Variants in GRB14 observed in about 807,000 individuals in gnomAD.
The protein encoded by GRB14 is growth factor receptor-bound protein 14.
GRB14 carries 38 observed loss-of-function variants against 69.1 expected under a neutral mutation model. That is an observed-to-expected ratio of 0.55 (90% CI 0.42 to 0.72). The LOEUF is 0.72. Ranked by LOEUF, GRB14 falls within the 30% of genes least tolerant of loss-of-function variation. GRB14 has a pLI of 0.00. For synonymous variants in GRB14, 247 were observed against 241.3 expected, an observed-to-expected ratio of 1.02 and a Z score of -0.22; for missense variants, 666 against 666.1, an observed-to-expected ratio of 1.00 and a Z score of 0.00.
At chr2:164,614,471 T>C (rs555027049) in intron 2 of GRB14, among the ~76,000 whole-genome samples, 7 of 152,318 alleles carry the variant, frequency 4.6e-5, no homozygotes, top group Middle Eastern at 6.8e-3. Context: ...TTATGAATGG[T>C]TTTAGACGAT....
chr2:164,578,522 G>A (rs909973759), intron 2 of GRB14, among the ~76,000 whole-genome samples: 47 of 145,660 alleles, frequency 3.2e-4, no homozygotes, highest in Admixed American at 9.6e-4. Context: ...CAATTCGCGC[G>A]CACACACACA....
intron 9 of GRB14, among the ~76,000 whole-genome samples, chr2:164,499,073 A>G (rs1033734320): frequency 1.3e-5 from 2 of 152,170 alleles, no homozygotes; most frequent in African/African-American, 4.8e-5. Flanking sequence ...ATTAATGAAA[A>G]GCATCCACCT....
chr2:164,548,115 C>T (rs1311551179), intron 2 of GRB14, among the ~76,000 whole-genome samples: 1 of 152,162 alleles, frequency 6.6e-6, no homozygotes, highest in Non-Finnish European at 1.5e-5. Context: ...GTTCATCCCA[C>T]ACATCTGCTA....
chr2:164,617,072 A>G (rs112696585), intron 2 of GRB14, among the ~76,000 whole-genome samples: 20 of 152,338 alleles, frequency 1.3e-4, no homozygotes, highest in African/African-American at 4.6e-4. Context: ...AACTAAAGCA[A>G]AAGGATCAGT....
At chr2:164,602,664 T>C (rs1185643794) in intron 2 of GRB14, among the ~76,000 whole-genome samples, 1 of 152,200 alleles carries the variant, frequency 6.6e-6, no homozygotes, top group Non-Finnish European at 1.5e-5. Context: ...AAACTTCAGT[T>C]CATTCAGCAA....
chr2:164,587,413 A>G (rs1244717550), intron 2 of GRB14, among the ~76,000 whole-genome samples: 1 of 152,208 alleles, frequency 6.6e-6, no homozygotes, highest in Non-Finnish European at 1.5e-5. Context: ...TGTTCAAGAT[A>G]GTTCCTCTGC....
chr2:164,586,854 T>C (rs1434075650), intron 2 of GRB14, among the ~76,000 whole-genome samples: 3 of 152,126 alleles, frequency 2.0e-5, no homozygotes. Flanking sequence ...AATAATGCAA[T>C]TGATGATCAA....
At chr2:164,618,088 T>G (rs963156781) in intron 2 of GRB14, among the ~76,000 whole-genome samples, 2 of 151,718 alleles carry the variant, frequency 1.3e-5, no homozygotes, top group Non-Finnish European at 1.5e-5. Flanking sequence ...TGCCTCCGCC[T>G]CCCGAGTAGC....
intron 6 of GRB14, among the ~76,000 whole-genome samples, chr2:164,519,769 AAAAAT>A (rs1180075637): frequency 2.6e-5 from 4 of 151,994 alleles, no homozygotes; most frequent in African/African-American, 9.7e-5. Context: ...AAGCTGTAAA[AAAAAT>A]AAAATAAAAT....
At chr2:164,576,649 T>C (rs887469229) in intron 2 of GRB14, among the ~76,000 whole-genome samples, 1 of 151,792 alleles carries the variant, frequency 6.6e-6, no homozygotes. Context: ...AAACACTATA[T>C]ATCATATCTC....
chr2:164,591,925 C>T (rs906398806), intron 2 of GRB14, among the ~76,000 whole-genome samples: 1 of 152,036 alleles, frequency 6.6e-6, no homozygotes, highest in Admixed American at 6.6e-5. Flanking sequence ...CCATACTGTT[C>T]TTGTGGTAGT....
Position 164,539,176 on chromosome 2 carries a change from T to C in GRB14, c.481+8484A>G, listed in dbSNP as rs1688165675. On this transcript the variant is annotated intron_variant, in intron 3 of 13. Transcript: ENST00000263915. Reference sequence around the variant, plus strand: ...TAGCTATCACACATATGCATTTATATTAAAAATACTAATAACGGTCGGGCG... The same window carrying C: ...TAGCTATCACACATATGCATTTATACTAAAAATACTAATAACGGTCGGGCG... Among the ~76,000 whole-genome samples, 6 of 152,164 alleles carry C rather than the reference T, an allele frequency of 3.9e-5. No individual in the cohort carries two copies. In the South Asian group the frequency reaches 1.2e-3, roughly 32 times the overall value.
At chr2:164,505,912 GATTAAGTGA>G (rs1413647712) in intron 8 of GRB14, among the ~76,000 whole-genome samples, 7 of 152,182 alleles carry the variant, frequency 4.6e-5, no homozygotes, top group African/African-American at 1.7e-4. Flanking sequence ...TGGCTTCTTA[GATTAAGTGA>G]AATGCTGATT....
intron 2 of GRB14, among the ~76,000 whole-genome samples, chr2:164,615,534 A>G (rs1690269095): frequency 6.6e-6 from 1 of 152,138 alleles, no homozygotes; most frequent in Non-Finnish European, 1.5e-5. Flanking sequence ...TAGAAATTGT[A>G]CCTTCCTAAA....
rs1340175889 is a variant in GRB14, at chr2:164,494,532, G to A, written c.1383-8C>T. The A allele has an allele frequency of 7.3e-7, 1 of 1,369,504 alleles. No homozygotes were observed. Among genetic ancestry groups the A allele is most frequent in the Non-Finnish European group, 1.0e-6 (1 of 957,480 alleles). The allele number at this position is 1,369,504 out of a possible 1,614,324, so 84.8% of individuals were successfully genotyped here. On this transcript the variant is annotated splice_region_variant and splice_polypyrimidine_tract_variant and intron_variant, in intron 12 of 13. Transcript: ENST00000263915. ...TCCCGTACCAAGAAAACTCTAAAGA[G>A]AGAGAAGGAATTTCAATGTTTCTAT...
intron 8 of GRB14, among the ~76,000 whole-genome samples, chr2:164,507,869 A>T (rs891273879): frequency 4.6e-5 from 7 of 152,166 alleles, no homozygotes; most frequent in Non-Finnish European, 8.8e-5. Flanking sequence ...TTCCTATGAG[A>T]GTCTACCTTT....
intron 12 of GRB14, among the ~76,000 whole-genome samples, chr2:164,496,330 A>G (rs1337450389): frequency 6.6e-6 from 1 of 152,214 alleles, no homozygotes; most frequent in African/African-American, 2.4e-5. Flanking sequence ...CCAGTATTAT[A>G]GAAAGTATCT....
At chr2:164,521,920 C>T (rs1010631090) in intron 6 of GRB14, 60 bp downstream of exon 6, 39 of 1,391,932 alleles carry the variant, frequency 2.8e-5, no homozygotes, top group Admixed American at 2.6e-4. Context: ...ACAAAGTCAA[C>T]GTGTTTTAAC....
At chr2:164,613,150 G>T (rs1010628240) in intron 2 of GRB14, among the ~76,000 whole-genome samples, 2 of 152,218 alleles carry the variant, frequency 1.3e-5, no homozygotes, top group Non-Finnish European at 2.9e-5. Context: ...CGTACATTAA[G>T]TGAATTGAGA....
Sources: gnomAD v4.1 joint callset for allele counts (sites outside exome capture counted in the v4.1 genomes callset) on GRCh38, gnomAD v4.1.1 for gene constraint, MANE v1.5 for transcripts, NCBI Gene and HGNC (gene_info 2026-07-23, HGNC 2026-07-21) for gene names.